The following FRAS1 variants were observed in gnomAD, a reference collection of about 807,000 sequenced individuals.
FRAS1 encodes Fraser extracellular matrix complex subunit 1.
Under a neutral mutation model 435.2 loss-of-function variants are expected in FRAS1, and 290 were observed. That is an observed-to-expected ratio of 0.67 (90% CI 0.61 to 0.73). FRAS1 has a LOEUF of 0.73. Ranked by LOEUF, FRAS1 falls within the 30% of genes least tolerant of loss-of-function variation. The pLI is 0.00. For synonymous variants in FRAS1, 1,800 were observed against 1,851.0 expected (o/e 0.97, Z 0.71); for missense variants, 4,860 against 5,001.5 (o/e 0.97, Z 0.85).
chr4:78,116,172 T>C (rs1179199947), intron 2 of FRAS1, among the ~76,000 whole-genome samples: 2 of 152,208 alleles, frequency 1.3e-5, no homozygotes, highest in Admixed American at 1.3e-4. Context: ...AGTTCTAGTT[T>C]GATTGCCCTG....
chr4:78,537,277 G>A (rs998345332), intron 72 of FRAS1, 77 bp downstream of exon 72: 53 of 1,320,372 alleles, frequency 4.0e-5, no homozygotes, highest in Non-Finnish European at 5.6e-5. Flanking sequence ...TCTGCCTAAA[G>A]TAGATAGAGC....
intron 29 of FRAS1, among the ~76,000 whole-genome samples, chr4:78,395,062 G>A (rs773923296): frequency 4.6e-5 from 7 of 151,776 alleles, no homozygotes; most frequent in Non-Finnish European, 1.0e-4. Context: ...TACTGAATTT[G>A]TTTATTAGTC....
chr4:78,272,308 T>G (rs546476114), intron 9 of FRAS1, among the ~76,000 whole-genome samples: 1 of 152,384 alleles, frequency 6.6e-6, no homozygotes, highest in South Asian at 2.1e-4. Flanking sequence ...AGAAGCTCTT[T>G]AGTTTAATGA....
rs72867982 is a variant in FRAS1, at chr4:78,400,908, C to G, written c.4129+21C>G. The G allele has an allele frequency of 2.7e-3, 4,303 of 1,611,500 alleles. 94 individuals are homozygous for G. In the African/African-American group the frequency reaches 0.05, roughly 19 times the overall value. ...GTTTGGTAACTATTTTTTCCTTTGG[C>G]GTGGTTTCATCGTTGCATTCAGCAG... On this transcript the variant is annotated intron_variant, in intron 30 of 73. Coordinates refer to ENST00000512123, the MANE Select transcript of FRAS1 (RefSeq NM_025074.7).
rs940239607 is a variant in FRAS1 at position 78,161,511 on chromosome 4, G to A, written c.109-75999G>A. On this transcript the variant is annotated intron_variant, in intron 2 of 73. Transcript: ENST00000512123. The stretch of plus-strand genomic sequence containing the variant: ...GTGATTAAATGGAATAATCTAGACA[G>A]GGCAGTTGATTCAGAATAAGAATTC... 3.9e-5 allele frequency among the ~76,000 whole-genome samples: 6 copies of A among 151,988 alleles called. No individual in the cohort carries two copies. In the East Asian group the frequency reaches 9.7e-4, roughly 25 times the overall value.
Position 78,245,226 on chromosome 4 carries a change from T to TTTAA in FRAS1, c.217-7_217-6insTTAA. The stretch of plus-strand genomic sequence containing the variant: ...TGTTTTACTTTGAGCTGCTTTTAAA[T>TTTAA]GCTCAGGGAGAAGTGCTTCAAATAG... On this transcript the variant is annotated splice_polypyrimidine_tract_variant and splice_region_variant and intron_variant, in intron 3 of 73. Transcript: ENST00000512123. The TTTAA allele has an allele frequency of 6.3e-7, 1 of 1,596,714 alleles. No individual in the cohort carries two copies. Among genetic ancestry groups the TTTAA allele is most frequent in the Non-Finnish European group, 8.5e-7 (1 of 1,170,124 alleles).
chr4:78,240,739 T>C (rs1724966443), intron 3 of FRAS1, among the ~76,000 whole-genome samples: 1 of 151,912 alleles, frequency 6.6e-6, no homozygotes, highest in Admixed American at 6.6e-5. Flanking sequence ...TCCAAAGAGA[T>C]TGTGTGAGAA....
At chr4:78,523,299 G>A (rs1430791105) in intron 69 of FRAS1, among the ~76,000 whole-genome samples, 2 of 152,164 alleles carry the variant, frequency 1.3e-5, no homozygotes, top group South Asian at 2.1e-4. Flanking sequence ...GCTGGGAAAT[G>A]TGTCTAACTA....
chr4:78,059,791 T>C (rs879526010), intron 1 of FRAS1, among the ~76,000 whole-genome samples: 1 of 148,676 alleles, frequency 6.7e-6, no homozygotes, highest in Non-Finnish European at 1.5e-5. Context: ...CTTTGGCAGA[T>C]TGCTTGATCC....
At chr4:78,513,051 C>G (rs1430561220) in intron 64 of FRAS1, among the ~76,000 whole-genome samples, 2 of 152,208 alleles carry the variant, frequency 1.3e-5, no homozygotes, top group Non-Finnish European at 2.9e-5. Context: ...TCTCTAGTCA[C>G]TCAGCTTTAG....
chr4:78,489,525 GA>G (rs938105357), intron 59 of FRAS1, among the ~76,000 whole-genome samples: 1 of 152,160 alleles, frequency 6.6e-6, no homozygotes, highest in East Asian at 1.9e-4. Flanking sequence ...TAGAGAGACA[GA>G]AAAAAATCCA....
At chr4:78,332,388 C>T (rs957207574) in intron 18 of FRAS1, among the ~76,000 whole-genome samples, 2 of 152,180 alleles carry the variant, frequency 1.3e-5, no homozygotes, top group Admixed American at 1.3e-4. Context: ...AGAAGTCATG[C>T]AACTATCCCC....
chr4:78,093,859 G>T (rs2109904038), intron 2 of FRAS1, among the ~76,000 whole-genome samples: 1 of 152,206 alleles, frequency 6.6e-6, no homozygotes, highest in South Asian at 2.1e-4. Context: ...TTCTGTTAAG[G>T]TTATTACTTA....
chr4:78,161,030 A>G (rs1721114198), intron 2 of FRAS1, among the ~76,000 whole-genome samples: 1 of 151,976 alleles, frequency 6.6e-6, no homozygotes, highest in Admixed American at 6.6e-5. Context: ...CCCAGCTACT[A>G]TGGAAGGTTG....
intron 2 of FRAS1, among the ~76,000 whole-genome samples, chr4:78,156,532 ATGCCCACC>A (rs1560554444): frequency 1.3e-5 from 2 of 152,098 alleles, no homozygotes; most frequent in African/African-American, 4.8e-5. Context: ...GGAAACAATG[ATGCCCACC>A]TGGTCAATGG....
rs115440544 is a variant in FRAS1 at position 78,226,914 on chromosome 4, T to C, written c.109-10596T>C. ...CTGCTTCAGTTTAGATATTTTGTATTGACTTATATTCTTGTTTTCTTTAGG... is the reference window on the plus strand; with the variant it reads ...CTGCTTCAGTTTAGATATTTTGTATCGACTTATATTCTTGTTTTCTTTAGG... On this transcript the variant is annotated intron_variant, in intron 2 of 73. Coordinates refer to ENST00000512123, the MANE Select transcript of FRAS1 (RefSeq NM_025074.7). Among the ~76,000 whole-genome samples the C allele has an allele frequency of 2.3e-3, 354 of 152,330 alleles. 1 individual carries two copies. Among genetic ancestry groups the C allele is most frequent in the African/African-American group, 8.1e-3 (335 of 41,590 alleles).
chr4:78,328,451 A>G (rs1465144832), intron 18 of FRAS1, among the ~76,000 whole-genome samples: 1 of 152,200 alleles, frequency 6.6e-6, no homozygotes, highest in Non-Finnish European at 1.5e-5. Context: ...CCCCCATATT[A>G]TTCTGCAAAG....
At chr4:78,373,219 A>C (rs767830258) in intron 24 of FRAS1, among the ~76,000 whole-genome samples, 4 of 151,928 alleles carry the variant, frequency 2.6e-5, no homozygotes, top group Non-Finnish European at 4.4e-5. Flanking sequence ...CGATTATTTC[A>C]CTATCTGCCC....
At chr4:78,080,766 A>G (rs1223022437) in intron 2 of FRAS1, among the ~76,000 whole-genome samples, 1 of 152,142 alleles carries the variant, frequency 6.6e-6, no homozygotes, top group Admixed American at 6.6e-5. Flanking sequence ...TAGTTTTGGA[A>G]TATTTATTTT....
Sources: gnomAD v4.1 joint callset for allele counts (sites outside exome capture counted in the v4.1 genomes callset) on GRCh38, gnomAD v4.1.1 for gene constraint, MANE v1.5 for transcripts, NCBI Gene and HGNC (gene_info 2026-07-23, HGNC 2026-07-21) for gene names.